GPD2: variants seen among roughly 807,000 people sequenced by gnomAD.
GPD2 encodes the protein glycerol-3-phosphate dehydrogenase 2.
In GPD2, 54 loss-of-function variants were observed where a neutral mutation model predicts 82.4. The observed-to-expected ratio is 0.66, with a 90% CI of 0.53 to 0.82. GPD2 has a LOEUF of 0.82. GPD2 is among the 40% of genes least tolerant of loss of function. The probability of loss-of-function intolerance (pLI) is 0.00; values close to 1 mark genes in which losing one functional copy is unlikely to be tolerated. For missense variants in GPD2, 748 were observed against 896.2 expected (o/e 0.83, Z 2.11); for synonymous variants, 288 against 306.1 (o/e 0.94, Z 0.62).
intron 13 of GPD2, 61 bp downstream of exon 13, chr2:156,571,353 G>A: frequency 1.9e-6 from 2 of 1,045,242 alleles, no homozygotes; most frequent in Non-Finnish European, 2.8e-6. Context: ...GGCTTAATTT[G>A]TTAGTAGAAG....
At chr2:156,488,966 C>T (rs575575492) in intron 2 of GPD2, among the ~76,000 whole-genome samples, 2 of 152,072 alleles carry the variant, frequency 1.3e-5, no homozygotes, top group South Asian at 4.1e-4. Flanking sequence ...TGTTTGGGAG[C>T]TGTGGTTGGA....
At chr2:156,510,728 A>G (rs1207787412) in intron 3 of GPD2, 68 bp from the exon 4 acceptor site, 1 of 1,284,970 alleles carries the variant, frequency 7.8e-7, no homozygotes, top group Non-Finnish European at 1.1e-6. Context: ...ACCCTGGAGA[A>G]GTGCCTTTAA....
rs1241021563 is a variant in GPD2, at chr2:156,511,629, T to C, written c.400-591T>C. Reference sequence around the variant, plus strand: ...GAGGCAAAGAAAACAGCATAGGATTTAGAATCAGCTAACTTGTGATGTGTT... The same window carrying C: ...GAGGCAAAGAAAACAGCATAGGATTCAGAATCAGCTAACTTGTGATGTGTT... On this transcript the variant is annotated intron_variant, in intron 4 of 16. Transcript: ENST00000438166. Among the ~76,000 whole-genome samples, 3 of 152,236 alleles carry C rather than the reference T, an allele frequency of 2.0e-5. No individual in the cohort carries two copies. In the South Asian group the frequency reaches 6.2e-4, roughly 32 times the overall value.
intron 1 of GPD2, among the ~76,000 whole-genome samples, chr2:156,466,656 T>C (rs530712603): frequency 2.0e-5 from 3 of 152,334 alleles, no homozygotes; most frequent in East Asian, 3.9e-4. Context: ...TTTTTTGTTT[T>C]AGAGGACTTT....
chr2:156,432,183 C>T (rs2679206), upstream of GPD2, among the ~76,000 whole-genome samples: 87,591 of 152,032 alleles, frequency 0.58, 25,536 homozygotes, highest in East Asian at 0.76. Flanking sequence ...CCAACGTGCC[C>T]GGCCAGTATC....
chr2:156,528,190 G>T (rs1024095656), intron 6 of GPD2, among the ~76,000 whole-genome samples: 1 of 151,830 alleles, frequency 6.6e-6, no homozygotes, highest in Non-Finnish European at 1.5e-5. Context: ...AATAGTCCAC[G>T]CTAATTGTAA....
chr2:156,451,639 C>T (rs1389200711), intron 1 of GPD2, among the ~76,000 whole-genome samples: 2 of 135,980 alleles, frequency 1.5e-5, no homozygotes, highest in African/African-American at 2.8e-5. Context: ...CCAGTAGGGG[C>T]GGCTGGGCAG....
chr2:156,465,793 T>C (rs898572948), intron 1 of GPD2, among the ~76,000 whole-genome samples: 2 of 152,196 alleles, frequency 1.3e-5, no homozygotes, highest in African/African-American at 2.4e-5. Flanking sequence ...GCGGAAAGAC[T>C]GAAAGAAGCA....
At chr2:156,515,337 C>T (rs1045935591) in intron 6 of GPD2, among the ~76,000 whole-genome samples, 13 of 151,054 alleles carry the variant, frequency 8.6e-5, no homozygotes, top group African/African-American at 2.2e-4. Flanking sequence ...CCCGCCATTA[C>T]ACTCCAGCCT....
chr2:156,551,643 C>T (rs1686763270), intron 8 of GPD2, among the ~76,000 whole-genome samples: 1 of 152,116 alleles, frequency 6.6e-6, no homozygotes. Flanking sequence ...TTCAGTTCCT[C>T]ACCTTAGGGT....
At chr2:156,558,311 G>A (rs1687037063) in intron 9 of GPD2, among the ~76,000 whole-genome samples, 1 of 152,000 alleles carries the variant, frequency 6.6e-6, no homozygotes, top group African/African-American at 2.4e-5. Flanking sequence ...TCCATATCCA[G>A]TCTAATGCCT....
chr2:156,451,775 G>A (rs1423016504), intron 1 of GPD2, among the ~76,000 whole-genome samples: 2 of 151,814 alleles, frequency 1.3e-5, no homozygotes, highest in East Asian at 3.9e-4. Context: ...CAGACAGGGT[G>A]GCTGCCGGGC....
chr2:156,560,356 G>A (rs1233761491), intron 9 of GPD2, among the ~76,000 whole-genome samples: 1 of 152,144 alleles, frequency 6.6e-6, no homozygotes, highest in African/African-American at 2.4e-5. Flanking sequence ...CAGCGAATTG[G>A]TGAAACTAAC....
chr2:156,442,426 G>A (rs911085580), intron 1 of GPD2, among the ~76,000 whole-genome samples: 1 of 152,162 alleles, frequency 6.6e-6, no homozygotes, highest in African/African-American at 2.4e-5. Flanking sequence ...CATAAAATAA[G>A]CTTCTAAGTG....
At chr2:156,494,865 C>T (rs921798790) in intron 2 of GPD2, among the ~76,000 whole-genome samples, 3 of 152,200 alleles carry the variant, frequency 2.0e-5, no homozygotes, top group Admixed American at 6.5e-5. Flanking sequence ...GGAAAAAAAC[C>T]AAACACCATT....
chr2:156,514,156 A>G (rs1302172709), intron 6 of GPD2, among the ~76,000 whole-genome samples: 1 of 150,230 alleles, frequency 6.7e-6, no homozygotes, highest in African/African-American at 2.4e-5. Context: ...CATGTATGCA[A>G]TATAGTTTTG....
chr2:156,537,520 G>A (rs1037209340), intron 6 of GPD2, among the ~76,000 whole-genome samples: 1 of 152,086 alleles, frequency 6.6e-6, no homozygotes, highest in African/African-American at 2.4e-5. Flanking sequence ...GTAAAACTAA[G>A]TCATACGTTT....
At chr2:156,516,425 TGAAC>T (rs777267229) in intron 6 of GPD2, among the ~76,000 whole-genome samples, 5 of 152,242 alleles carry the variant, frequency 3.3e-5, no homozygotes, top group Non-Finnish European at 7.3e-5. Flanking sequence ...AGTAATCAAA[TGAAC>T]TTTTAATTTT....
chr2:156,525,677 G>A (rs776116188), intron 6 of GPD2, among the ~76,000 whole-genome samples: 20 of 152,016 alleles, frequency 1.3e-4, no homozygotes, highest in South Asian at 2.1e-4. Flanking sequence ...GGGGACATAC[G>A]GACAAATTAC....
Sources: gnomAD v4.1 joint callset for allele counts (sites outside exome capture counted in the v4.1 genomes callset) on GRCh38, gnomAD v4.1.1 for gene constraint, MANE v1.5 for transcripts, NCBI Gene and HGNC (gene_info 2026-07-23, HGNC 2026-07-21) for gene names.